The following RPA1 variants were observed in gnomAD, a reference collection of about 807,000 sequenced individuals.
RPA1 encodes replication protein A 70 kDa DNA-binding subunit.
In RPA1, 49 loss-of-function variants were observed where a neutral mutation model predicts 83.0. That is an observed-to-expected ratio of 0.59 (90% confidence interval 0.47 to 0.75). The LOEUF (loss-of-function observed/expected upper bound fraction) is 0.75. RPA1 is among the 30% of genes least tolerant of loss of function. RPA1 has a pLI of 0.00. For synonymous variants in RPA1, 279 were observed against 281.8 expected, an observed-to-expected ratio of 0.99 and a Z score of 0.10; for missense variants, 693 against 776.1, an observed-to-expected ratio of 0.89 and a Z score of 1.27.
intron 15 of RPA1, 70 bp downstream of exon 15, chr17:1,892,010 CATT>C (rs1914221415): frequency 9.4e-7 from 1 of 1,064,888 alleles, no homozygotes; most frequent in Non-Finnish European, 1.3e-6. Flanking sequence ...TGACCCCACA[CATT>C]TTTTTTTTTT....
intron 5 of RPA1, among the ~76,000 whole-genome samples, chr17:1,855,999 C>T (rs1912678314): frequency 6.6e-6 from 1 of 152,028 alleles, no homozygotes; most frequent in Non-Finnish European, 1.5e-5. Flanking sequence ...CTAAACACCC[C>T]AATTATTAGA....
chr17:1,880,776 C>T lies in RPA1; in HGVS notation c.1241+85C>T, dbSNP rs530542841. ...TACAATCAGCATGGGAGCTTTCTGC[C>T]AAGCAGAAGCCTTCGTCCCTGAGTG... On this transcript the variant is annotated intron_variant, in intron 12 of 16. Transcript: ENST00000254719. 2.0e-5 allele frequency: 31 copies of T among 1,547,878 alleles called. 1 individual carries two copies. In the South Asian group the frequency reaches 3.3e-4, roughly 17 times the overall value.
chr17:1,855,378 A>G (rs1252687218), intron 5 of RPA1, among the ~76,000 whole-genome samples: 1 of 151,384 alleles, frequency 6.6e-6, no homozygotes, highest in East Asian at 1.9e-4. Context: ...TAGTAGAGAC[A>G]GGGTTTTGCC....
chr17:1,832,876 T>C (rs1482111822), intron 1 of RPA1, among the ~76,000 whole-genome samples: 2 of 152,198 alleles, frequency 1.3e-5, no homozygotes, highest in Non-Finnish European at 2.9e-5. Context: ...ATTGCAGTTT[T>C]ATGTTTGTTG....
At position 1,872,483 on chromosome 17, in the gene RPA1, A is replaced by T; in HGVS notation, c.411A>T (p.Ala137=). 6.2e-7 allele frequency: 1 copy of T among 1,614,044 alleles called. No homozygotes were observed. The highest frequency in any genetic ancestry group is 8.5e-7 in the Non-Finnish European group (1 of 1,180,004). Residue 137 remains alanine, a synonymous_variant, in exon 6 of 17, where the codon GCA becomes GCT. Transcript: ENST00000254719. ...VAPPAPAASP[A]ASSRPQPQNG... ...CTCCAGCGCCAGCAGCCAGCCCAGC[A>T]GCAAGCAGCAGGCCCCAGCCGCAGA...
rs1359865377 is a variant in RPA1, at chr17:1,875,806, A to G, written c.587+13A>G. The G allele has an allele frequency of 5.0e-6, 8 of 1,611,376 alleles. No individual in the cohort carries two copies. The highest frequency in any genetic ancestry group is 1.3e-5 in the African/African-American group (1 of 74,910). ...CTTACCAGTCCAAGTGAGTTGTTGC[A>G]TAGAGTAAGTTCAGAGTGTACTTAT... On this transcript the variant is annotated intron_variant, in intron 7 of 16. Transcript: ENST00000254719.
At chr17:1,872,685 T>C (rs1190583749) in intron 6 of RPA1, among the ~76,000 whole-genome samples, 159 bp downstream of exon 6, 1 of 151,702 alleles carries the variant, frequency 6.6e-6, no homozygotes, top group Non-Finnish European at 1.5e-5. Context: ...GAGTATGTGA[T>C]TGAAAAAATA....
chr17:1,895,550 T>C (rs911086975), intron 16 of RPA1, among the ~76,000 whole-genome samples: 1 of 151,734 alleles, frequency 6.6e-6, no homozygotes, highest in East Asian at 1.9e-4. Flanking sequence ...CCAGCCTGGG[T>C]AACATAGTGA....
chr17:1,857,499 C>T (rs2151277070), intron 5 of RPA1, among the ~76,000 whole-genome samples: 1 of 151,830 alleles, frequency 6.6e-6, no homozygotes, highest in Middle Eastern at 3.4e-3. Context: ...TTATCTCCCT[C>T]TAGCTGGGAC....
At chr17:1,882,580 A>C (rs1913836849) in intron 12 of RPA1, among the ~76,000 whole-genome samples, 1 of 152,160 alleles carries the variant, frequency 6.6e-6, no homozygotes, top group Non-Finnish European at 1.5e-5. Context: ...AGGCACGAGA[A>C]TCACTTGCCA....
chr17:1,842,672 T>C (rs1912098274), intron 1 of RPA1, 131 bp from the exon 2 acceptor site: 1 of 713,776 alleles, frequency 1.4e-6, no homozygotes, highest in Non-Finnish European at 2.4e-6. Context: ...ACTAGATGCT[T>C]CAGCTGACAG....
chr17:1,838,375 G>T (rs949383579), intron 1 of RPA1, among the ~76,000 whole-genome samples: 10 of 151,462 alleles, frequency 6.6e-5, no homozygotes, highest in African/African-American at 2.4e-4. Flanking sequence ...AGGCAAAGCC[G>T]GGCAGAACAC....
Position 1,897,465 on chromosome 17 carries a change from C to G in RPA1, c.*290C>G. The G allele has an allele frequency of 3.4e-6, 1 of 298,336 alleles. No individual in the cohort carries two copies. The highest frequency in any genetic ancestry group is 5.6e-5 in the South Asian group (1 of 17,872). The allele number at this position is 298,336 out of a possible 1,614,324, so 18.5% of individuals were successfully genotyped here. A position where few individuals can be genotyped will look rare whatever the true frequency, so the allele number is the denominator to read the frequency against. ...TTCTGTCAATTTCATTATCATCAAG[C>G]AGGAATTATGTCGTAAGTCACTGAC... On this transcript the variant is annotated 3_prime_UTR_variant, in exon 17 of 17. Coordinates refer to ENST00000254719, the MANE Select transcript of RPA1 (RefSeq NM_002945.5).
intron 3 of RPA1, 66 bp downstream of exon 3, chr17:1,844,064 T>C: frequency 1.4e-6 from 2 of 1,441,422 alleles, no homozygotes; most frequent in Non-Finnish European, 1.9e-6. Context: ...CCTGGTCCTT[T>C]GGTTGCCATA....
chr17:1,895,661 ATTTAT>A (rs1224484262), intron 16 of RPA1, among the ~76,000 whole-genome samples: 1,345 of 27,686 alleles, frequency 0.049, 28 homozygotes, highest in African/African-American at 0.1. Context: ...ACCATATAGT[ATTTAT>A]TTATTTATTT....
intron 4 of RPA1, among the ~76,000 whole-genome samples, chr17:1,852,780 G>A (rs1241557653): frequency 2.6e-5 from 4 of 152,216 alleles, no homozygotes; most frequent in Non-Finnish European, 5.9e-5. Flanking sequence ...AGATAAGTAT[G>A]TGTTTCTGAA....
At chr17:1,860,944 G>A (rs1912934775) in intron 5 of RPA1, among the ~76,000 whole-genome samples, 1 of 152,160 alleles carries the variant, frequency 6.6e-6, no homozygotes, top group Admixed American at 6.6e-5. Flanking sequence ...ATTTAGTCTA[G>A]GTGTAGTTAT....
chr17:1,859,592 G>T (rs933440103), intron 5 of RPA1, among the ~76,000 whole-genome samples: 4 of 152,076 alleles, frequency 2.6e-5, no homozygotes, highest in Admixed American at 6.5e-5. Context: ...AGTCTGCTTT[G>T]ATATTAGCAT....
rs761445329 is a variant in RPA1 at position 1,898,346 on chromosome 17, T to C, written c.*1171T>C. On this transcript the variant is annotated 3_prime_UTR_variant, in exon 17 of 17. Transcript: ENST00000254719. ...CGCAGCAGTCTAACACCAACCACGC[T>C]TTGAAATGTGTACAGACAGTGAGCT... 6.6e-6 allele frequency: 1 copy of C among 152,240 alleles called. No individual in the cohort carries two copies. Among genetic ancestry groups the C allele is most frequent in the Admixed American group, 6.5e-5 (1 of 15,282 alleles). 9.4% of individuals were successfully genotyped at this position (152,240 alleles called of 1,614,324 possible).
Sources: allele counts gnomAD v4.1 joint callset (sites outside exome capture counted in the v4.1 genomes callset), GRCh38; gene constraint gnomAD v4.1.1; transcripts MANE v1.5; gene names NCBI Gene and HGNC (gene_info 2026-07-23, HGNC 2026-07-21).